PIK3CA: variants seen among roughly 807,000 people sequenced by gnomAD.
PIK3CA encodes the protein phosphatidylinositol-4,5-bisphosphate 3-kinase catalytic subunit alpha.
Under a neutral mutation model 138.2 loss-of-function variants are expected in PIK3CA, and 27 were observed. The ratio of observed to expected loss-of-function variants is 0.20; its 90% CI spans 0.14 to 0.27. PIK3CA has a LOEUF of 0.27. Among genes scored for constraint, PIK3CA ranks in the 10% least tolerant of loss-of-function variants. The probability of loss-of-function intolerance (pLI) is 1.00; values close to 1 mark genes in which losing one functional copy is unlikely to be tolerated. For missense variants in PIK3CA, 544 were observed against 1,277.4 expected (o/e 0.43, Z 8.75); for synonymous variants, 358 against 413.2 (o/e 0.87, Z 1.62).
At chr3:179,167,802 C>T (rs889793675) in intron 1 of PIK3CA, among the ~76,000 whole-genome samples, 1 of 152,108 alleles carries the variant, frequency 6.6e-6, no homozygotes, top group African/African-American at 2.4e-5. Flanking sequence ...ACATACTGCT[C>T]AAAATTGTGC....
At chr3:179,199,644 T>G (rs770282386) in intron 2 of PIK3CA, 46 bp from the exon 3 acceptor site, 5 of 1,302,756 alleles carry the variant, frequency 3.8e-6, no homozygotes, top group Non-Finnish European at 5.5e-6. Flanking sequence ...ATGTTCATGC[T>G]GTGTATGTAA....
chr3:179,216,806 T>C (rs1394709304), intron 9 of PIK3CA, among the ~76,000 whole-genome samples: 1 of 152,158 alleles, frequency 6.6e-6, no homozygotes, highest in Non-Finnish European at 1.5e-5. Context: ...TTATTTTATA[T>C]TTAAAATGTA....
At chr3:179,159,720 G>A (rs1723229261) in intron 1 of PIK3CA, among the ~76,000 whole-genome samples, 1 of 152,116 alleles carries the variant, frequency 6.6e-6, no homozygotes, top group South Asian at 2.1e-4. Flanking sequence ...TATGTTGTGA[G>A]AAATGCATCA....
chr3:179,170,884 G>A (rs574227652), intron 1 of PIK3CA, among the ~76,000 whole-genome samples: 4 of 152,256 alleles, frequency 2.6e-5, no homozygotes, highest in African/African-American at 9.6e-5. Context: ...CTCAACAGTT[G>A]ATAGGATAAG....
At chr3:179,226,501 C>T (rs1245305280) in intron 17 of PIK3CA, among the ~76,000 whole-genome samples, 1 of 152,094 alleles carries the variant, frequency 6.6e-6, no homozygotes, top group Non-Finnish European at 1.5e-5. Flanking sequence ...TCAGTATTAT[C>T]ACCAAGTTTT....
At chr3:179,193,407 G>A (rs1724186280) in intron 1 of PIK3CA, among the ~76,000 whole-genome samples, 1 of 152,196 alleles carries the variant, frequency 6.6e-6, no homozygotes, top group South Asian at 2.1e-4. Flanking sequence ...ACTGTAATCA[G>A]GCAGGTTGGC....
In PIK3CA at chr3:179,238,689, C is replaced by T. The variant is rs1279386109; in HGVS notation, c.*4325C>T. 8.8e-6 allele frequency: 2 copies of T among 226,300 alleles called. No individual in the cohort carries two copies. Among genetic ancestry groups the T allele is most frequent in the Non-Finnish European group, 1.8e-5 (2 of 113,700 alleles). The allele number at this position is 226,300 out of a possible 1,614,324, so 14.0% of individuals were successfully genotyped here. A position where few individuals can be genotyped will look rare whatever the true frequency, so the allele number is the denominator to read the frequency against. On this transcript the variant is annotated 3_prime_UTR_variant, in exon 21 of 21. Transcript: ENST00000263967. ...AAAGGCAATAGTTTGAGGAGGTTCC[C>T]GAATTCGGCATTTGAAATTCATTTT...
intron 15 of PIK3CA, 34 bp downstream of exon 15, chr3:179,224,221 AT>A (rs755300443): frequency 1.0e-6 from 1 of 999,684 alleles, no homozygotes; most frequent in Non-Finnish European, 1.5e-6. Flanking sequence ...ATATATTTAA[AT>A]AAATACCTTT....
At chr3:179,203,820 A>T in intron 5 of PIK3CA, 31 bp downstream of exon 5, 1 of 1,495,194 alleles carries the variant, frequency 6.7e-7, no homozygotes, top group Non-Finnish European at 9.0e-7. Context: ...TTATTATTTT[A>T]TAGAAATTAT....
At chr3:179,198,130 A>C (rs76976943) in intron 1 of PIK3CA, among the ~76,000 whole-genome samples, 1 of 152,352 alleles carries the variant, frequency 6.6e-6, no homozygotes, top group East Asian at 1.9e-4. Flanking sequence ...ATCATACTTT[A>C]AGAACAGAAT....
chr3:179,221,223 C>T lies in PIK3CA; in HGVS notation c.2187+66C>T, dbSNP rs1724959557. ...AGTGGGGCAGAGTTGTTTAGAAGCC[C>T]AGTGTATATACAGATCATGGTCCTT... On this transcript the variant is annotated intron_variant, in intron 14 of 20. Transcript: ENST00000263967. 11 of 1,089,246 alleles carry T rather than the reference C, an allele frequency of 1.0e-5. No homozygotes were observed. In the South Asian group the frequency reaches 1.4e-4, roughly 14 times the overall value. 67.5% of individuals were successfully genotyped at this position (1,089,246 alleles called of 1,614,324 possible). A position where few individuals can be genotyped will look rare whatever the true frequency, so the allele number is the denominator to read the frequency against.
intron 1 of PIK3CA, among the ~76,000 whole-genome samples, chr3:179,186,803 G>A (rs952266933): frequency 5.9e-5 from 9 of 152,112 alleles, no homozygotes; most frequent in African/African-American, 1.9e-4. Context: ...GAACCCTTCC[G>A]TATTTTGCAT....
chr3:179,164,722 A>G (rs1723372508), intron 1 of PIK3CA, among the ~76,000 whole-genome samples: 3 of 152,096 alleles, frequency 2.0e-5, no homozygotes, highest in African/African-American at 7.2e-5. Context: ...ATATAAAATT[A>G]GCCAGGCATG....
At chr3:179,165,396 T>A (rs966107690) in intron 1 of PIK3CA, among the ~76,000 whole-genome samples, 1 of 152,166 alleles carries the variant, frequency 6.6e-6, no homozygotes, top group African/African-American at 2.4e-5. Flanking sequence ...ATTTTATTTT[T>A]ATTTTAATTT....
rs2108409530 is a variant in PIK3CA, at chr3:179,219,154, G to A, written c.1665-42G>A. 1 of 1,205,078 alleles carries A rather than the reference G, an allele frequency of 8.3e-7. No individual in the cohort carries two copies. Among genetic ancestry groups the A allele is most frequent in the South Asian group, 1.3e-5 (1 of 79,952 alleles). 74.6% of individuals were successfully genotyped at this position (1,205,078 alleles called of 1,614,324 possible). The stretch of plus-strand genomic sequence containing the variant: ...GTTAGACATGTCAACCTTTTGAACA[G>A]CATGCAAGAATGTTTATGTTTATTT... On this transcript the variant is annotated intron_variant, in intron 10 of 20. Coordinates refer to ENST00000263967, the MANE Select transcript of PIK3CA (RefSeq NM_006218.4). The surrounding 1 kb of genome is among the most constrained non-coding windows in gnomAD (Gnocchi z 4.2).
chr3:179,215,121 G>GGCAGCCTGGTATATT (rs1382865749), intron 9 of PIK3CA, among the ~76,000 whole-genome samples: 2 of 152,284 alleles, frequency 1.3e-5, no homozygotes, highest in East Asian at 3.9e-4. Context: ...AGCATCAAGA[G>GGCAGCCTGGTATATT]GCAGCCTGGT....
At chr3:179,149,332 G>A (rs1443380996) in intron 1 of PIK3CA, among the ~76,000 whole-genome samples, 1 of 152,136 alleles carries the variant, frequency 6.6e-6, no homozygotes, top group African/African-American at 2.4e-5. Flanking sequence ...AGGTAGGGTA[G>A]GGCCCGGGAT....
At chr3:179,216,210 A>G (rs1017060623) in intron 9 of PIK3CA, among the ~76,000 whole-genome samples, 16 of 152,236 alleles carry the variant, frequency 1.1e-4, no homozygotes, top group African/African-American at 3.9e-4. Context: ...TGATGAGTAA[A>G]GAATATATTT....
At chr3:179,159,690 G>A (rs1252051013) in intron 1 of PIK3CA, among the ~76,000 whole-genome samples, 1 of 152,126 alleles carries the variant, frequency 6.6e-6, no homozygotes, top group African/African-American at 2.4e-5. Context: ...ATACAGTCAT[G>A]TGTAGCTTTA....
Sources: allele counts gnomAD v4.1 joint callset (sites outside exome capture counted in the v4.1 genomes callset), GRCh38; gene constraint gnomAD v4.1.1; non-coding constraint Gnocchi (gnomAD v3.1); transcripts MANE v1.5; gene names NCBI Gene and HGNC (gene_info 2026-07-23, HGNC 2026-07-21).